The following ANTXR2 variants were observed in gnomAD, a reference collection of about 807,000 sequenced individuals.
ANTXR2 encodes the protein anthrax toxin receptor 2.
A neutral mutation model predicts 73.7 loss-of-function variants in ANTXR2; 44 were observed. The ratio of observed to expected loss-of-function variants is 0.60; its 90% CI spans 0.47 to 0.77. The LOEUF is 0.77. Ranked by LOEUF, ANTXR2 falls within the 30% of genes least tolerant of loss-of-function variation. The pLI, the probability that ANTXR2 is intolerant of heterozygous loss-of-function variation, is 0.00. For synonymous variants in ANTXR2, 217 were observed against 205.9 expected (o/e 1.05, Z -0.46); for missense variants, 604 against 592.5 (o/e 1.02, Z -0.20).
rs1732933340 is a variant in ANTXR2, at chr4:80,035,907, C to T, written c.697+65G>A. ...TCTTTTTCCAACATGAGTTTCATATCATATATTTTAGCTAGGAAAAAAATA... is the reference window on the plus strand; with the variant it reads ...TCTTTTTCCAACATGAGTTTCATATTATATATTTTAGCTAGGAAAAAAATA... On this transcript the variant is annotated intron_variant, in intron 8 of 16. Coordinates refer to ENST00000403729, the MANE Select transcript of ANTXR2 (RefSeq NM_058172.6). 3 of 1,330,806 alleles carry T rather than the reference C, an allele frequency of 2.3e-6. No individual in the cohort carries two copies. In the Admixed American group the frequency reaches 7.3e-5, roughly 32 times the overall value. 82.4% of individuals were successfully genotyped at this position (1,330,806 alleles called of 1,614,324 possible).
At chr4:79,952,118 T>C (rs1728729532) in intron 16 of ANTXR2, among the ~76,000 whole-genome samples, 2 of 151,726 alleles carry the variant, frequency 1.3e-5, no homozygotes, top group East Asian at 1.9e-4. Flanking sequence ...CCAAAATTAT[T>C]TGATGTGGAA....
intron 16 of ANTXR2, among the ~76,000 whole-genome samples, chr4:79,925,298 T>TTC (rs1410247667): frequency 6.6e-6 from 1 of 150,798 alleles, no homozygotes; most frequent in East Asian, 2.0e-4. Flanking sequence ...TTTTTTTTTT[T>TTC]TTAATGATGA....
At chr4:79,986,008 A>AT (rs1044040884) in intron 12 of ANTXR2, among the ~76,000 whole-genome samples, 3 of 151,762 alleles carry the variant, frequency 2.0e-5, no homozygotes, top group African/African-American at 7.2e-5. Context: ...CGCCTGGCTA[A>AT]TTTTTTTGTA....
chr4:79,963,043 T>C (rs1729204884), intron 16 of ANTXR2, among the ~76,000 whole-genome samples: 2 of 152,158 alleles, frequency 1.3e-5, no homozygotes, highest in African/African-American at 4.8e-5. Context: ...AATGGCAGTG[T>C]GATGCAGAAT....
chr4:80,052,313 C>A (rs1402490216), intron 7 of ANTXR2, among the ~76,000 whole-genome samples: 1 of 151,460 alleles, frequency 6.6e-6, no homozygotes, highest in Non-Finnish European at 1.5e-5. Flanking sequence ...ATTATAAAGT[C>A]CAATTCAAAT....
At chr4:80,067,469 C>A (rs1014471471) in intron 3 of ANTXR2, among the ~76,000 whole-genome samples, 2 of 152,204 alleles carry the variant, frequency 1.3e-5, no homozygotes, top group South Asian at 2.1e-4. Context: ...TTTCTACAAG[C>A]CTGGCATGAT....
At chr4:80,009,889 G>A (rs1366355791) in intron 11 of ANTXR2, among the ~76,000 whole-genome samples, 1 of 150,624 alleles carries the variant, frequency 6.6e-6, no homozygotes, top group Non-Finnish European at 1.5e-5. Context: ...ACTACTTACT[G>A]AAAGAATGAA....
chr4:80,018,957 T>A lies in ANTXR2; in HGVS notation c.886A>T (p.Ser296Cys). 1 of 1,507,454 alleles carries A rather than the reference T, an allele frequency of 6.6e-7. No homozygotes were observed. The highest frequency in any genetic ancestry group is 8.8e-7 in the Non-Finnish European group (1 of 1,130,870). 93.4% of individuals were successfully genotyped at this position (1,507,454 alleles called of 1,614,324 possible). ...ATGACAGATTTTCCTCCATTAAAGC[T>A]CACTGAAACATCAAGAGTTCTGAAA... Reference protein sequence around the residue: ...KAGETLDVSVSFNGGKSVISG... With the variant: ...KAGETLDVSVCFNGGKSVISG... The change falls in exon 11 of 17, where the codon AGC becomes TGC. Residue 296 changes from serine (S) to cysteine (C), a missense_variant. Coordinates refer to ENST00000403729, the MANE Select transcript of ANTXR2 (RefSeq NM_058172.6).
chr4:80,032,424 T>C (rs1374834709), intron 9 of ANTXR2, among the ~76,000 whole-genome samples: 2 of 151,900 alleles, frequency 1.3e-5, no homozygotes, highest in African/African-American at 4.8e-5. Flanking sequence ...TATCTTGTCC[T>C]ACTCAATTGT....
At chr4:80,054,228 T>A (rs1436749195) in intron 7 of ANTXR2, 44 bp downstream of exon 7, 1 of 1,441,754 alleles carries the variant, frequency 6.9e-7, no homozygotes, top group South Asian at 1.3e-5. Flanking sequence ...ATTAAAAAAA[T>A]ATACAAGGTT....
chr4:80,034,039 G>C (rs1732838158), intron 8 of ANTXR2, among the ~76,000 whole-genome samples: 1 of 152,002 alleles, frequency 6.6e-6, no homozygotes, highest in Admixed American at 6.6e-5. Context: ...TTTAATCTAT[G>C]CCTGTTCCAT....
chr4:80,003,417 G>T (rs559289539), intron 12 of ANTXR2, among the ~76,000 whole-genome samples: 1 of 120,322 alleles, frequency 8.3e-6, no homozygotes, highest in African/African-American at 3.1e-5. Context: ...GTTGTGGGGT[G>T]GGGGGAGGGG....
In ANTXR2 at chr4:79,904,228, A is replaced by G. The variant is rs1726821234; in HGVS notation, c.*3201T>C. The G allele has an allele frequency of 6.6e-6, 1 of 152,160 alleles. No individual in the cohort carries two copies. Among genetic ancestry groups the G allele is most frequent in the African/African-American group, 2.4e-5 (1 of 41,446 alleles). 9.4% of individuals were successfully genotyped at this position (152,160 alleles called of 1,614,324 possible). A position where few individuals can be genotyped will look rare whatever the true frequency, so the allele number is the denominator to read the frequency against. ...ATCTTGTATCTAGTAAGGATTTATTATAACAAATATTGAATAATTTATTAT... is the reference window on the plus strand; with the variant it reads ...ATCTTGTATCTAGTAAGGATTTATTGTAACAAATATTGAATAATTTATTAT... On this transcript the variant is annotated 3_prime_UTR_variant, in exon 17 of 17. Transcript: ENST00000403729.
intron 10 of ANTXR2, among the ~76,000 whole-genome samples, chr4:80,026,220 G>T (rs555023209): frequency 6.6e-6 from 1 of 152,128 alleles, no homozygotes; most frequent in African/African-American, 2.4e-5. Context: ...CTGTTCTCAT[G>T]ATGGTGAGTG....
At chr4:79,982,375 G>T (rs937768830) in intron 14 of ANTXR2, among the ~76,000 whole-genome samples, 2 of 151,920 alleles carry the variant, frequency 1.3e-5, no homozygotes, top group Non-Finnish European at 2.9e-5. Flanking sequence ...TTTTTTCCCC[G>T]TTATATAGAT....
chr4:79,909,655 A>T (rs1560840508), intron 16 of ANTXR2, among the ~76,000 whole-genome samples: 6 of 151,750 alleles, frequency 4.0e-5, no homozygotes, highest in African/African-American at 1.2e-4. Flanking sequence ...CAAAAAAAAA[A>T]AAATAAAGAA....
intron 10 of ANTXR2, among the ~76,000 whole-genome samples, chr4:80,026,657 C>T (rs963571817): frequency 2.0e-5 from 3 of 151,698 alleles, no homozygotes; most frequent in African/African-American, 7.3e-5. Flanking sequence ...AAAGTATTTC[C>T]TTATATTGAT....
At chr4:80,027,291 T>C (rs1301937715) in intron 10 of ANTXR2, among the ~76,000 whole-genome samples, 1 of 151,998 alleles carries the variant, frequency 6.6e-6, no homozygotes, top group Non-Finnish European at 1.5e-5. Context: ...GCAGAATTTA[T>C]CTAATCAAGA....
At chr4:80,024,786 C>A in intron 10 of ANTXR2, 1 of 381,776 alleles carries the variant, frequency 2.6e-6, no homozygotes, top group Non-Finnish European at 5.2e-6. Flanking sequence ...AGTTAAGAGA[C>A]TGTAAAAACA....
Sources: gnomAD v4.1 joint callset for allele counts (sites outside exome capture counted in the v4.1 genomes callset) on GRCh38, gnomAD v4.1.1 for gene constraint, MANE v1.5 for transcripts, NCBI Gene and HGNC (gene_info 2026-07-23, HGNC 2026-07-21) for gene names.